Variants in RERE observed in about 807,000 individuals in gnomAD.
The protein encoded by RERE is arginine-glutamic acid dipeptide repeats, also known as arginine-glutamic acid dipeptide repeats protein.
Under a neutral mutation model 146.1 loss-of-function variants are expected in RERE, and 40 were observed. The observed-to-expected ratio is 0.27, with a 90% CI of 0.21 to 0.36. The LOEUF is 0.36. Ranked by LOEUF, RERE falls within the 10% of genes least tolerant of loss-of-function variation. RERE has a pLI of 1.00. For missense variants in RERE, 1,933 were observed against 2,138.7 expected (o/e 0.90, Z 1.90); for synonymous variants, 1,003 against 866.0 (o/e 1.16, Z -2.78).
intron 12 of RERE, among the ~76,000 whole-genome samples, chr1:8,416,439 A>C (rs1643766950): frequency 6.6e-6 from 1 of 152,002 alleles, no homozygotes; most frequent in Non-Finnish European, 1.5e-5. Flanking sequence ...ACAAAAAATT[A>C]GCCAGGCGTG....
rs866096587 is a variant in RERE at position 8,464,374 on chromosome 1, G to A, written c.1203+1551C>T. 3.3e-5 allele frequency among the ~76,000 whole-genome samples: 5 copies of A among 152,156 alleles called. No individual in the cohort carries two copies. In the East Asian group the frequency reaches 5.8e-4, roughly 18 times the overall value. On this transcript the variant is annotated intron_variant, in intron 11 of 22. Coordinates refer to ENST00000400908, the MANE Select transcript of RERE (RefSeq NM_001042681.2). ...ACCTTCAAGGTGCAGCCTGGATCTC[G>A]CTGCTTCTTATCACGACCACTGCTG...
At chr1:8,726,445 G>A (rs983486995) in intron 1 of RERE, among the ~76,000 whole-genome samples, 13 of 151,990 alleles carry the variant, frequency 8.6e-5, no homozygotes, top group East Asian at 1.9e-4. Context: ...GAGCCAACGC[G>A]CCCGGCCAGG....
chr1:8,550,075 G>A (rs1645915357), intron 6 of RERE, among the ~76,000 whole-genome samples: 1 of 152,198 alleles, frequency 6.6e-6, no homozygotes, highest in Non-Finnish European at 1.5e-5. Context: ...TAATTCCCTG[G>A]TTCTGATAAC....
chr1:8,546,673 C>A (rs1645866547), intron 6 of RERE, among the ~76,000 whole-genome samples: 1 of 151,806 alleles, frequency 6.6e-6, no homozygotes, highest in African/African-American at 2.4e-5. Context: ...CATAGTGAAA[C>A]CTTGTCTCTA....
chr1:8,691,244 A>T (rs1171806889), intron 1 of RERE, among the ~76,000 whole-genome samples: 2 of 152,230 alleles, frequency 1.3e-5, no homozygotes, highest in Non-Finnish European at 2.9e-5. Context: ...GATGAGTTAC[A>T]GGATTCTAAA....
intron 1 of RERE, among the ~76,000 whole-genome samples, chr1:8,695,186 CA>C (rs1198754541): frequency 6.6e-6 from 1 of 152,014 alleles, no homozygotes; most frequent in Non-Finnish European, 1.5e-5. Flanking sequence ...ACTGCCTATT[CA>C]AAAAATGGTG....
chr1:8,563,890 G>C lies in RERE; in HGVS notation c.523-6367C>G, dbSNP rs1646107233. On this transcript the variant is annotated intron_variant, in intron 4 of 22. Coordinates refer to ENST00000400908, the MANE Select transcript of RERE (RefSeq NM_001042681.2). ...AAGGTTAAGAGTTGTCTGAACATTA[G>C]AGGTTTACTGTATAATTCAGAAATG... Among the ~76,000 whole-genome samples the C allele has an allele frequency of 3.3e-5, 5 of 152,292 alleles. No individual in the cohort carries two copies. In the East Asian group the frequency reaches 9.6e-4, roughly 29 times the overall value.
chr1:8,405,056 T>C (rs1240163070), intron 12 of RERE, among the ~76,000 whole-genome samples: 3 of 152,154 alleles, frequency 2.0e-5, no homozygotes, highest in Admixed American at 1.3e-4. Flanking sequence ...GCAGAGGTGT[T>C]GTTTGAAGTA....
intron 21 of RERE, 54 bp from the exon 22 acceptor site, chr1:8,355,653 AC>A: frequency 6.8e-7 from 1 of 1,472,332 alleles, no homozygotes; most frequent in Non-Finnish European, 9.1e-7. Context: ...ACTGGCCAAG[AC>A]CAGGGCGGCA....
intron 1 of RERE, among the ~76,000 whole-genome samples, chr1:8,702,808 CTG>C (rs1639481559): frequency 6.6e-6 from 1 of 152,120 alleles, no homozygotes; most frequent in South Asian, 2.1e-4. Flanking sequence ...ATTTAATTAA[CTG>C]AGATTTCAAG....
chr1:8,803,733 T>G (rs1006667952), intron 1 of RERE, among the ~76,000 whole-genome samples: 25 of 132,022 alleles, frequency 1.9e-4, no homozygotes, highest in African/African-American at 5.5e-4. Flanking sequence ...TGGTTTTTTG[T>G]TTTTTTTTTT....
chr1:8,754,497 G>A (rs1291357958), intron 1 of RERE, among the ~76,000 whole-genome samples: 1 of 152,184 alleles, frequency 6.6e-6, no homozygotes, highest in Non-Finnish European at 1.5e-5. Flanking sequence ...ATGCTTTCCA[G>A]GTCTAATTTC....
At chr1:8,376,938 TA>T (rs1204699884) in intron 12 of RERE, among the ~76,000 whole-genome samples, 2 of 152,158 alleles carry the variant, frequency 1.3e-5, no homozygotes, top group African/African-American at 4.8e-5. Context: ...GCAGATCTAT[TA>T]AAAAAAATTA....
At chr1:8,468,789 C>T (rs1644640326) in intron 10 of RERE, among the ~76,000 whole-genome samples, 1 of 151,974 alleles carries the variant, frequency 6.6e-6, no homozygotes, top group Admixed American at 6.6e-5. Flanking sequence ...CCCAGCTACT[C>T]AGGAGGCTGA....
chr1:8,559,576 A>G (rs185896688), intron 4 of RERE, among the ~76,000 whole-genome samples: 1 of 152,288 alleles, frequency 6.6e-6, no homozygotes, highest in East Asian at 1.9e-4. Flanking sequence ...ATGTTAAATA[A>G]ATAGAATAAA....
chr1:8,706,576 A>C (rs1639565568), intron 1 of RERE, among the ~76,000 whole-genome samples: 1 of 152,248 alleles, frequency 6.6e-6, no homozygotes, highest in South Asian at 2.1e-4. Flanking sequence ...ACAGAATATA[A>C]AACTTAGAAA....
chr1:8,467,356 A>G (rs1191004386), intron 10 of RERE, among the ~76,000 whole-genome samples: 1 of 152,242 alleles, frequency 6.6e-6, no homozygotes, highest in African/African-American at 2.4e-5. Flanking sequence ...CAAAATGACA[A>G]GATCAAGTAG....
chr1:8,443,297 C>T (rs1644274245), intron 11 of RERE, among the ~76,000 whole-genome samples: 1 of 151,672 alleles, frequency 6.6e-6, no homozygotes, highest in South Asian at 2.1e-4. Context: ...CCCATCTCTA[C>T]TAAAGATACA....
intron 1 of RERE, among the ~76,000 whole-genome samples, chr1:8,760,836 C>T (rs1640743791): frequency 6.6e-6 from 1 of 152,116 alleles, no homozygotes; most frequent in Non-Finnish European, 1.5e-5. Flanking sequence ...AGCAGTGGAG[C>T]CAGCAAGACT....
Sources: allele counts gnomAD v4.1 joint callset (sites outside exome capture counted in the v4.1 genomes callset), GRCh38; gene constraint gnomAD v4.1.1; transcripts MANE v1.5; gene names NCBI Gene and HGNC (gene_info 2026-07-23, HGNC 2026-07-21).